NSD1: variants seen among roughly 807,000 people sequenced by gnomAD.
The protein encoded by NSD1 is histone-lysine N-methyltransferase, H3 lysine-36 specific.
A neutral mutation model predicts 242.7 loss-of-function variants in NSD1; 26 were observed. That is an observed-to-expected ratio of 0.11 (90% CI 0.08 to 0.15). The LOEUF is 0.15. Ranked by LOEUF, NSD1 falls within the 10% of genes least tolerant of loss-of-function variation. The pLI is 1.00. For missense variants in NSD1, 2,495 were observed against 3,272.8 expected (o/e 0.76, Z 5.80); for synonymous variants, 1,106 against 1,178.1 (o/e 0.94, Z 1.25).
Position 177,194,136 on chromosome 5 carries a change from A to G in NSD1, c.1063+2117A>G, listed in dbSNP as rs576699195. ...TCATATAAATTATATTTTTATTTAC[A>G]TGAGTAAATACATACTTCTTAGTCA... On this transcript the variant is annotated intron_variant, in intron 3 of 22. Coordinates refer to ENST00000439151, the MANE Select transcript of NSD1 (RefSeq NM_022455.5). 3.3e-5 allele frequency among the ~76,000 whole-genome samples: 5 copies of G among 152,236 alleles called. No homozygotes were observed. In the South Asian group the frequency reaches 1.0e-3, roughly 32 times the overall value.
intron 21 of NSD1, among the ~76,000 whole-genome samples, chr5:177,290,988 C>T (rs1432726463): frequency 1.3e-5 from 2 of 152,178 alleles, no homozygotes; most frequent in African/African-American, 4.8e-5. Context: ...CTAGAGAGGT[C>T]ACTGTGTGCT....
At chr5:177,212,795 A>G (rs1478773654) in intron 5 of NSD1, among the ~76,000 whole-genome samples, 3 of 151,724 alleles carry the variant, frequency 2.0e-5, no homozygotes, top group South Asian at 2.1e-4. Flanking sequence ...GGCACCCGCC[A>G]CCATACCTGG....
At chr5:177,260,294 G>A in intron 14 of NSD1, 126 bp downstream of exon 14, 2 of 813,432 alleles carry the variant, frequency 2.5e-6, no homozygotes, top group Non-Finnish European at 4.0e-6. Context: ...CTATTCATCT[G>A]CCATTCAGGA....
intron 17 of NSD1, among the ~76,000 whole-genome samples, chr5:177,277,231 A>C (rs2127251311): frequency 6.6e-6 from 1 of 152,072 alleles, no homozygotes; most frequent in East Asian, 1.9e-4. Context: ...CTATTCTTGT[A>C]ATACTCTTGA....
chr5:177,208,051 A>G (rs1763038988), intron 4 of NSD1, among the ~76,000 whole-genome samples: 1 of 152,146 alleles, frequency 6.6e-6, no homozygotes, highest in African/African-American at 2.4e-5. Context: ...GCCATGAGCC[A>G]CCATCCCCAG....
Position 177,133,996 on chromosome 5 carries a change from A to T in NSD1, c.-18+44A>T. On this transcript the variant is annotated intron_variant, in intron 1 of 22. Transcript: ENST00000439151. The surrounding 1 kb of genome is among the most constrained non-coding windows in gnomAD (Gnocchi z 6.2). ...TGGGCGGCGGGCAGGCGCGAGGAGA[A>T]GGGAGGGAGGAGGGTGGCCGGGCGG... 8.1e-6 allele frequency: 1 copy of T among 123,938 alleles called. No individual in the cohort carries two copies. Among genetic ancestry groups the T allele is most frequent in the Non-Finnish European group, 1.7e-5 (1 of 59,652 alleles). The allele number at this position is 123,938 out of a possible 1,614,324, so 7.7% of individuals were successfully genotyped here.
At chr5:177,252,325 C>T (rs766865072) in intron 12 of NSD1, among the ~76,000 whole-genome samples, 1 of 151,974 alleles carries the variant, frequency 6.6e-6, no homozygotes, top group Non-Finnish European at 1.5e-5. Context: ...TCTTAATCTG[C>T]GTAGTGATTA....
chr5:177,146,828 AC>A (rs1281672270), intron 2 of NSD1, among the ~76,000 whole-genome samples: 52 of 151,098 alleles, frequency 3.4e-4, no homozygotes, highest in Non-Finnish European at 2.9e-5. Flanking sequence ...ACATGGTGAA[AC>A]CCCGTGTCTA....
chr5:177,175,114 A>AGC, intron 2 of NSD1, among the ~76,000 whole-genome samples: 1 of 145,560 alleles, frequency 6.9e-6, no homozygotes, highest in Non-Finnish European at 1.5e-5. Context: ...CTCGTGATCC[A>AGC]CTCGCCTCAG....
intron 17 of NSD1, among the ~76,000 whole-genome samples, chr5:177,274,285 A>G (rs1758178503): frequency 6.6e-6 from 1 of 152,240 alleles, no homozygotes; most frequent in Admixed American, 6.5e-5. Context: ...AGTCATCACC[A>G]TTATCATCTG....
intron 5 of NSD1, among the ~76,000 whole-genome samples, chr5:177,226,290 C>T (rs1387434708): frequency 6.6e-6 from 1 of 152,170 alleles, no homozygotes; most frequent in Non-Finnish European, 1.5e-5. Context: ...CTGCTTTAGC[C>T]TCCCAAAGTG....
chr5:177,218,906 C>T (rs1209538654), intron 5 of NSD1, among the ~76,000 whole-genome samples: 1 of 151,210 alleles, frequency 6.6e-6, no homozygotes, highest in Non-Finnish European at 1.5e-5. Context: ...CTAACGGGAG[C>T]CGTATGTTTC....
Position 177,238,192 on chromosome 5 carries a change from C to T in NSD1, c.3922-45C>T. ...GTTATTCTTTTTGACACTTAAATTACAACAATTTTGGCCTGTGGACTCTAT... is the reference window on the plus strand; with the variant it reads ...GTTATTCTTTTTGACACTTAAATTATAACAATTTTGGCCTGTGGACTCTAT... On this transcript the variant is annotated intron_variant, in intron 6 of 22. Coordinates refer to ENST00000439151, the MANE Select transcript of NSD1 (RefSeq NM_022455.5). The surrounding 1 kb of genome is among the most constrained non-coding windows in gnomAD (Gnocchi z 4.6). 5 of 1,607,890 alleles carry T rather than the reference C, an allele frequency of 3.1e-6. No individual in the cohort carries two copies. The highest frequency in any genetic ancestry group is 4.3e-6 in the Non-Finnish European group (5 of 1,174,604).
chr5:177,152,401 C>T (rs923590914), intron 2 of NSD1, among the ~76,000 whole-genome samples: 3 of 150,454 alleles, frequency 2.0e-5, no homozygotes, highest in African/African-American at 4.9e-5. Context: ...AACTGCATCT[C>T]ACTTTCATCC....
intron 2 of NSD1, among the ~76,000 whole-genome samples, chr5:177,159,892 T>C (rs1297453344): frequency 6.6e-6 from 1 of 150,912 alleles, no homozygotes; most frequent in Non-Finnish European, 1.5e-5. Context: ...CCCGGCCGAA[T>C]ATATTTTTTT....
At chr5:177,219,421 GT>G (rs1275765228) in intron 5 of NSD1, among the ~76,000 whole-genome samples, 1 of 152,054 alleles carries the variant, frequency 6.6e-6, no homozygotes, top group African/African-American at 2.4e-5. Context: ...TCCTGACCTT[GT>G]TATCCTCCTG....
chr5:177,194,343 T>C (rs567837906), intron 3 of NSD1, among the ~76,000 whole-genome samples: 7 of 152,076 alleles, frequency 4.6e-5, no homozygotes, highest in Admixed American at 1.3e-4. Flanking sequence ...CACTGAAGCC[T>C]TGATCTCCAG....
chr5:177,248,461 G>T, intron 11 of NSD1, 137 bp downstream of exon 11: 1 of 1,166,350 alleles, frequency 8.6e-7, no homozygotes, highest in Non-Finnish European at 1.2e-6. Flanking sequence ...TTTCTTTAAG[G>T]ATTTGACCCC....
At chr5:177,199,628 T>C (rs184716597) in intron 3 of NSD1, among the ~76,000 whole-genome samples, 1 of 151,184 alleles carries the variant, frequency 6.6e-6, no homozygotes, top group East Asian at 2.0e-4. Flanking sequence ...TGAGATGGAG[T>C]CTCTCTCTGT....
Sources: allele counts gnomAD v4.1 joint callset (sites outside exome capture counted in the v4.1 genomes callset), GRCh38; gene constraint gnomAD v4.1.1; non-coding constraint Gnocchi (gnomAD v3.1); transcripts MANE v1.5; gene names NCBI Gene and HGNC (gene_info 2026-07-23, HGNC 2026-07-21).